The following WDFY2 variants were observed in gnomAD, a reference collection of about 807,000 sequenced individuals.
The protein encoded by WDFY2 is WD repeat and FYVE domain-containing protein 2.
A neutral mutation model predicts 56.4 loss-of-function variants in WDFY2; 36 were observed. The observed-to-expected ratio is 0.64, with a 90% CI of 0.49 to 0.84. The LOEUF is 0.84. WDFY2 is among the 40% of genes least tolerant of loss of function. The pLI is 0.00. For missense variants in WDFY2, 444 were observed against 512.2 expected, an observed-to-expected ratio of 0.87 and a Z score of 1.29; for synonymous variants, 176 against 183.7, an observed-to-expected ratio of 0.96 and a Z score of 0.34.
chr13:51,588,901 A>G (rs1207850843), intron 1 of WDFY2: 1 of 152,160 alleles, frequency 6.6e-6, no homozygotes, highest in African/African-American at 2.4e-5. Context: ...GTTGGTGGTA[A>G]GGTGTAGAGA....
At chr13:51,728,664 T>C (rs982092595) in intron 6 of WDFY2, among the ~76,000 whole-genome samples, 2 of 152,120 alleles carry the variant, frequency 1.3e-5, no homozygotes, top group African/African-American at 2.4e-5. Context: ...AAAAATGGAA[T>C]GCTAGAATAA....
Position 51,584,714 on chromosome 13 carries a change from T to G in WDFY2, c.27T>G (p.Pro9=). MAAEIQPK[P]LTRKPILLQR... ...TGGCGGCGGAGATCCAGCCCAAGCC[T>G]CTGACCCGCAAGCCGATCCTGCTGC... The change falls in exon 1 of 12, where the codon CCT becomes CCG. Residue 9 remains proline (P), a synonymous_variant. Transcript: ENST00000298125. 6.2e-7 allele frequency: 1 copy of G among 1,613,346 alleles called. No individual in the cohort carries two copies. The highest frequency in any genetic ancestry group is 1.1e-5 in the South Asian group (1 of 91,066).
At chr13:51,756,297 C>T (rs1412388451) in intron 9 of WDFY2, 35 bp from the exon 10 acceptor site, 3 of 1,591,972 alleles carry the variant, frequency 1.9e-6, no homozygotes, top group Admixed American at 3.5e-5. Flanking sequence ...GCTGAGGGAG[C>T]CGTGATGAGT....
rs572602470 is a variant in WDFY2 at position 51,694,472 on chromosome 13, G to C, written c.280-9124G>C. Among the ~76,000 whole-genome samples, 7 of 152,234 alleles carry C rather than the reference G, an allele frequency of 4.6e-5. No homozygotes were observed. The South Asian group carries it at 1.4e-3, about 32-fold the overall frequency. Reference sequence around the variant, plus strand: ...TAGTTTGGCTGGATATGAAATTCTGGGTTGAAAATTCTTTTCTTTAAGAAT... The same window carrying C: ...TAGTTTGGCTGGATATGAAATTCTGCGTTGAAAATTCTTTTCTTTAAGAAT... On this transcript the variant is annotated intron_variant, in intron 3 of 11. Coordinates refer to ENST00000298125, the MANE Select transcript of WDFY2 (RefSeq NM_052950.4).
intron 7 of WDFY2, among the ~76,000 whole-genome samples, chr13:51,743,764 G>A (rs151225030): frequency 3.0e-4 from 45 of 152,332 alleles, no homozygotes; most frequent in Non-Finnish European, 5.4e-4. Flanking sequence ...GGCACCGTTC[G>A]CCAGTTTTAC....
rs373518769 is a variant in WDFY2 at position 51,759,731 on chromosome 13, T to A, written c.1174-9T>A. On this transcript the variant is annotated splice_polypyrimidine_tract_variant and intron_variant, in intron 11 of 11. Coordinates refer to ENST00000298125, the MANE Select transcript of WDFY2 (RefSeq NM_052950.4). ...TAGTTCATTCTGTATCTTCTTTTTC[T>A]TTTTGCAGTTGTGGGATATGACCCC... 1 of 1,613,868 alleles carries A rather than the reference T, an allele frequency of 6.2e-7. No individual in the cohort carries two copies. The highest frequency in any genetic ancestry group is 8.5e-7 in the Non-Finnish European group (1 of 1,179,890).
chr13:51,677,256 C>A lies in WDFY2; in HGVS notation c.279+2013C>A, dbSNP rs80215200. Among the ~76,000 whole-genome samples, 897 of 152,212 alleles carry A rather than the reference C, an allele frequency of 5.9e-3. 7 individuals are homozygous for A. Among genetic ancestry groups the A allele is most frequent in the African/African-American group, 0.02 (842 of 41,554 alleles). Reference sequence around the variant, plus strand: ...CAGTCTTCTGAAAAAGATTCAGGACCCTGGCTTATATGAAATAATTTCCTT... The same window carrying A: ...CAGTCTTCTGAAAAAGATTCAGGACACTGGCTTATATGAAATAATTTCCTT... On this transcript the variant is annotated intron_variant, in intron 3 of 11. Transcript: ENST00000298125.
chr13:51,587,171 C>T (rs564314444), intron 1 of WDFY2: 1 of 152,204 alleles, frequency 6.6e-6, no homozygotes, highest in Non-Finnish European at 1.5e-5. Context: ...TAATGAAACC[C>T]TGGTTTATCT....
At chr13:51,598,362 A>G (rs547502563) in intron 1 of WDFY2, 171 of 152,388 alleles carry the variant, frequency 1.1e-3, no homozygotes, top group Non-Finnish European at 1.5e-3. Context: ...CTGTCTCAAA[A>G]AAAGATAAAA....
chr13:51,733,559 T>C (rs1952770265), intron 6 of WDFY2, among the ~76,000 whole-genome samples: 1 of 152,194 alleles, frequency 6.6e-6, no homozygotes, highest in Admixed American at 6.5e-5. Flanking sequence ...TGCATTTTAA[T>C]AAGCCACTGT....
intron 1 of WDFY2, chr13:51,591,020 A>G (rs561076837): frequency 2.0e-5 from 3 of 152,282 alleles, no homozygotes; most frequent in South Asian, 2.1e-4. Context: ...AAGAACTGGG[A>G]GTCTGATCTC....
chr13:51,703,736 A>G lies in WDFY2; in HGVS notation c.334+86A>G, dbSNP rs1490361072. 1.1e-5 allele frequency: 13 copies of G among 1,146,964 alleles called. No individual in the cohort carries two copies. The African/African-American group carries it at 2.0e-4, about 18-fold the overall frequency. The allele number at this position is 1,146,964 out of a possible 1,614,324, so 71.0% of individuals were successfully genotyped here. On this transcript the variant is annotated intron_variant, in intron 4 of 11. Coordinates refer to ENST00000298125, the MANE Select transcript of WDFY2 (RefSeq NM_052950.4). ...ACTGCCACAAGAGAATACATACTTT[A>G]CAATCATCAGGGAAACAAAACAGAG...
intron 6 of WDFY2, among the ~76,000 whole-genome samples, chr13:51,732,782 C>G (rs1204812133): frequency 6.6e-6 from 1 of 152,210 alleles, no homozygotes; most frequent in Admixed American, 6.5e-5. Context: ...CATCCATAGT[C>G]AGTCATCCGC....
chr13:51,661,327 T>C (rs1367532733), intron 2 of WDFY2, among the ~76,000 whole-genome samples: 1 of 152,210 alleles, frequency 6.6e-6, no homozygotes, highest in Non-Finnish European at 1.5e-5. Flanking sequence ...TTAAAATTAA[T>C]GAAGTTTGGG....
chr13:51,656,370 C>T (rs1955509524), intron 1 of WDFY2, among the ~76,000 whole-genome samples: 2 of 151,902 alleles, frequency 1.3e-5, no homozygotes, highest in South Asian at 2.1e-4. Context: ...TGTATGATTT[C>T]AATTTTAAAA....
chr13:51,601,608 GT>G, intron 1 of WDFY2, among the ~76,000 whole-genome samples: 1 of 152,074 alleles, frequency 6.6e-6, no homozygotes. Flanking sequence ...ACAGACGGGG[GT>G]TTTACCACGT....
intron 2 of WDFY2, among the ~76,000 whole-genome samples, chr13:51,667,482 G>A (rs1400239355): frequency 6.6e-6 from 1 of 152,148 alleles, no homozygotes; most frequent in Non-Finnish European, 1.5e-5. Flanking sequence ...GTGTTTTGGA[G>A]TTGGGGGAAA....
At chr13:51,668,084 G>C (rs1031190233) in intron 2 of WDFY2, among the ~76,000 whole-genome samples, 2 of 151,554 alleles carry the variant, frequency 1.3e-5, no homozygotes, top group African/African-American at 4.8e-5. Flanking sequence ...GTAGAGACGG[G>C]GTTTCACTGT....
chr13:51,720,964 C>T (rs1401935438), intron 5 of WDFY2, among the ~76,000 whole-genome samples: 1 of 151,918 alleles, frequency 6.6e-6, no homozygotes, highest in Non-Finnish European at 1.5e-5. Flanking sequence ...CTCTCTCTCT[C>T]TCTCTCTATT....
Sources: gnomAD v4.1 joint callset for allele counts (sites outside exome capture counted in the v4.1 genomes callset) on GRCh38, gnomAD v4.1.1 for gene constraint, MANE v1.5 for transcripts, NCBI Gene and HGNC (gene_info 2026-07-23, HGNC 2026-07-21) for gene names.